The following CTNND2 variants were observed in gnomAD, a reference collection of about 807,000 sequenced individuals.
CTNND2 encodes catenin delta 2.
In CTNND2, 22 loss-of-function variants were observed where a neutral mutation model predicts 144.4. The observed-to-expected ratio is 0.15, with a 90% CI of 0.11 to 0.22. CTNND2 has a LOEUF of 0.22. CTNND2 is among the 10% of genes least tolerant of loss of function. The pLI is 1.00. For synonymous variants in CTNND2, 751 were observed against 695.6 expected (o/e 1.08, Z -1.25); for missense variants, 1,353 against 1,618.8 (o/e 0.84, Z 2.82).
At chr5:11,158,737 C>A (rs979742544) in intron 12 of CTNND2, among the ~76,000 whole-genome samples, 4 of 152,148 alleles carry the variant, frequency 2.6e-5, no homozygotes, top group African/African-American at 9.7e-5. Context: ...CAGCTTTGAA[C>A]CATTTCAACT....
At chr5:11,670,460 T>G (rs539309399) in intron 2 of CTNND2, among the ~76,000 whole-genome samples, 1 of 152,218 alleles carries the variant, frequency 6.6e-6, no homozygotes, top group Admixed American at 6.5e-5. Context: ...ATATTTAGGA[T>G]AGTTAGCTCT....
At chr5:11,812,469 G>C (rs1792389879) in intron 1 of CTNND2, among the ~76,000 whole-genome samples, 1 of 152,032 alleles carries the variant, frequency 6.6e-6, no homozygotes, top group African/African-American at 2.4e-5. Context: ...AACAGACACT[G>C]TGGAGTTCTC....
At chr5:11,304,339 C>T (rs1561185947) in intron 9 of CTNND2, among the ~76,000 whole-genome samples, 1 of 151,382 alleles carries the variant, frequency 6.6e-6, no homozygotes, top group Non-Finnish European at 1.5e-5. Flanking sequence ...CACACACACA[C>T]TCTTTCTCTC....
In CTNND2 at chr5:11,403,448, C is replaced by A. The variant is rs147459676; in HGVS notation, c.440-6245G>T. Among the ~76,000 whole-genome samples, 241 of 152,254 alleles carry A rather than the reference C, an allele frequency of 1.6e-3. 4 individuals carry two copies. The highest frequency in any genetic ancestry group is 0.012 in the Admixed American group (188 of 15,288). On this transcript the variant is annotated intron_variant, in intron 5 of 21. Transcript: ENST00000304623. ...AATGGTGTAAAATGGAAGACATGAG[C>A]AAACTGACATTTATCATAAAAATAA...
intron 16 of CTNND2, among the ~76,000 whole-genome samples, chr5:11,049,539 C>A (rs1275930079): frequency 2.6e-5 from 4 of 152,164 alleles, no homozygotes; most frequent in Non-Finnish European, 4.4e-5. Flanking sequence ...AAATATCACC[C>A]TCCCCACGGA....
intron 16 of CTNND2, among the ~76,000 whole-genome samples, chr5:11,026,344 C>T (rs1742822359): frequency 6.8e-6 from 1 of 147,344 alleles, no homozygotes; most frequent in South Asian, 2.2e-4. Context: ...CTGACTACTC[C>T]ACCTTCTTCT....
At chr5:11,751,261 G>T (rs1400418749) in intron 1 of CTNND2, among the ~76,000 whole-genome samples, 1 of 151,742 alleles carries the variant, frequency 6.6e-6, no homozygotes, top group East Asian at 1.9e-4. Flanking sequence ...AGGTTCAGGG[G>T]TACATATGCA....
At chr5:11,067,738 T>C (rs1486452706) in intron 16 of CTNND2, among the ~76,000 whole-genome samples, 1 of 152,226 alleles carries the variant, frequency 6.6e-6, no homozygotes, top group African/African-American at 2.4e-5. Flanking sequence ...ATTTGCATTT[T>C]AATGTTTACA....
At chr5:11,001,481 C>T (rs1422554324) in intron 18 of CTNND2, among the ~76,000 whole-genome samples, 1 of 152,100 alleles carries the variant, frequency 6.6e-6, no homozygotes, top group African/African-American at 2.4e-5. Context: ...ACCTGGAACA[C>T]AGAGGTGCCT....
chr5:11,725,567 T>C (rs1786969389), intron 2 of CTNND2, among the ~76,000 whole-genome samples: 1 of 152,122 alleles, frequency 6.6e-6, no homozygotes, highest in Non-Finnish European at 1.5e-5. Flanking sequence ...TGTAGGCCTA[T>C]TATTTTATCT....
At chr5:11,404,599 A>ATTATTTT (rs1405789135) in intron 5 of CTNND2, among the ~76,000 whole-genome samples, 2 of 32,768 alleles carry the variant, frequency 6.1e-5, no homozygotes, top group Non-Finnish European at 1.9e-4. Context: ...CAGTATCTGT[A>ATTATTTT]TTCTTTTTTT....
chr5:11,564,833 C>A, intron 3 of CTNND2, 111 bp downstream of exon 3: 2 of 688,152 alleles, frequency 2.9e-6, no homozygotes, highest in Non-Finnish European at 5.1e-6. Context: ...TTCTTTCCAA[C>A]GTTTGACTGA....
At chr5:11,820,174 G>A (rs1299765087) in intron 1 of CTNND2, among the ~76,000 whole-genome samples, 8 of 152,152 alleles carry the variant, frequency 5.3e-5, no homozygotes, top group Admixed American at 5.2e-4. Context: ...GTTAATCATG[G>A]TTATTGACAC....
At chr5:11,281,648 T>TTGGTTTATCTGAGGCCTC (rs1747130435) in intron 9 of CTNND2, among the ~76,000 whole-genome samples, 1 of 152,186 alleles carries the variant, frequency 6.6e-6, no homozygotes, top group Non-Finnish European at 1.5e-5. Flanking sequence ...TGTCAACAGA[T>TTGGTTTATCTGAGGCCTC]TGGTTTATCT....
chr5:11,052,176 G>T (rs1327688676), intron 16 of CTNND2, among the ~76,000 whole-genome samples: 3 of 152,108 alleles, frequency 2.0e-5, no homozygotes, highest in Admixed American at 6.5e-5. Flanking sequence ...ATCATTGATG[G>T]TTTTGTACTA....
At chr5:11,289,371 G>T (rs1748077229) in intron 9 of CTNND2, among the ~76,000 whole-genome samples, 1 of 152,196 alleles carries the variant, frequency 6.6e-6, no homozygotes, top group South Asian at 2.1e-4. Context: ...GAGTAGCACA[G>T]GGGAAAACAT....
intron 2 of CTNND2, among the ~76,000 whole-genome samples, chr5:11,641,657 TATATACATATAC>T (rs1217435083): frequency 4.1e-5 from 6 of 144,746 alleles, no homozygotes; most frequent in African/African-American, 1.1e-4. Flanking sequence ...TATACGTGTG[TATATACATATAC>T]GTGTGTATAT....
At chr5:11,540,833 A>T (rs1202424488) in intron 3 of CTNND2, among the ~76,000 whole-genome samples, 1 of 152,190 alleles carries the variant, frequency 6.6e-6, no homozygotes, top group Non-Finnish European at 1.5e-5. Flanking sequence ...TAATGGAAAT[A>T]ATAAGGGTTT....
At position 11,364,977 on chromosome 5, in the gene CTNND2, G is replaced by A. The variant is rs1191800836; in HGVS notation, c.1178-87C>T. ...TCAAAGACATATTCAAATTTTTTTG[G>A]ACAAAATTGTTGAAATTCCCAGGAA... On this transcript the variant is annotated intron_variant, in intron 7 of 21. Transcript: ENST00000304623. The A allele has an allele frequency of 2.1e-5, 25 of 1,172,194 alleles. 1 individual carries two copies. Among genetic ancestry groups the A allele is most frequent in the South Asian group, 2.9e-5 (2 of 70,098 alleles). The allele number at this position is 1,172,194 out of a possible 1,614,324, so 72.6% of individuals were successfully genotyped here.
Sources: allele counts gnomAD v4.1 joint callset (sites outside exome capture counted in the v4.1 genomes callset), GRCh38; gene constraint gnomAD v4.1.1; transcripts MANE v1.5; gene names NCBI Gene and HGNC (gene_info 2026-07-23, HGNC 2026-07-21).